The following SH3YL1 variants were observed in gnomAD, a reference collection of about 807,000 sequenced individuals.
SH3YL1 encodes SH3 domain-containing YSC84-like protein 1.
In SH3YL1, 41 loss-of-function variants were observed where a neutral mutation model predicts 45.8. The ratio of observed to expected loss-of-function variants is 0.89; its 90% confidence interval spans 0.70 to 1.16. The LOEUF is 1.16. SH3YL1 is among the 50% of genes most tolerant of loss of function. The pLI, the probability that SH3YL1 is intolerant of heterozygous loss-of-function variation, is 0.00. For synonymous variants in SH3YL1, 152 were observed against 151.4 expected (o/e 1.00, Z -0.03); for missense variants, 389 against 409.6 (o/e 0.95, Z 0.43).
chr2:263,873 G>T, intron 1 of SH3YL1, 111 bp downstream of exon 1: 1 of 910,658 alleles, frequency 1.1e-6, no homozygotes, highest in South Asian at 1.5e-5. Flanking sequence ...ACAGACGCGC[G>T]ACCTAGAAAC....
At chr2:236,619 T>C (rs572860974) in intron 4 of SH3YL1, among the ~76,000 whole-genome samples, 49 of 152,188 alleles carry the variant, frequency 3.2e-4, no homozygotes, top group Non-Finnish European at 6.0e-4. Flanking sequence ...GTAATAATAG[T>C]GGCACACATT....
chr2:224,379 G>A (rs192302270), intron 9 of SH3YL1, among the ~76,000 whole-genome samples: 1 of 152,306 alleles, frequency 6.6e-6, no homozygotes, highest in Non-Finnish European at 1.5e-5. Context: ...AATTTATGGT[G>A]CTAAAACACA....
intron 4 of SH3YL1, chr2:242,148 G>A (rs953239799): frequency 6.6e-6 from 1 of 151,862 alleles, no homozygotes; most frequent in Non-Finnish European, 1.5e-5. Flanking sequence ...AAGTTGTCTT[G>A]GAGTAAGGAA....
intron 4 of SH3YL1, among the ~76,000 whole-genome samples, chr2:237,820 T>C (rs1285083054): frequency 6.6e-6 from 1 of 150,648 alleles, no homozygotes; most frequent in African/African-American, 2.4e-5. Context: ...CCACTATAAA[T>C]CAAAAAAAAA....
intron 6 of SH3YL1, 41 bp downstream of exon 6, chr2:233,060 T>C: frequency 6.6e-7 from 1 of 1,504,340 alleles, no homozygotes; most frequent in Non-Finnish European, 8.9e-7. Flanking sequence ...TACTATTTTC[T>C]CATCACACTT....
At chr2:221,738 A>C (rs1667583958) in intron 9 of SH3YL1, among the ~76,000 whole-genome samples, 1 of 152,120 alleles carries the variant, frequency 6.6e-6, no homozygotes, top group Admixed American at 6.6e-5. Context: ...CCTGGGGAGG[A>C]GTACAAGAGA....
intron 4 of SH3YL1, among the ~76,000 whole-genome samples, chr2:244,159 G>A (rs1481909313): frequency 6.6e-6 from 1 of 151,854 alleles, no homozygotes; most frequent in East Asian, 1.9e-4. Flanking sequence ...CACCTTCCAT[G>A]GCTATGAAAA....
intron 4 of SH3YL1, among the ~76,000 whole-genome samples, chr2:244,271 C>T (rs1668683051): frequency 6.6e-6 from 1 of 151,378 alleles, no homozygotes; most frequent in Non-Finnish European, 1.5e-5. Flanking sequence ...CCGAGGCAGG[C>T]GGATCACGAG....
At chr2:260,628 T>A (rs1309100191) in intron 1 of SH3YL1, 1 of 152,272 alleles carries the variant, frequency 6.6e-6, no homozygotes, top group Non-Finnish European at 1.5e-5. Context: ...AGAGAGCACC[T>A]GGGCTCTGCA....
intron 4 of SH3YL1, among the ~76,000 whole-genome samples, chr2:235,144 T>C (rs1668231444): frequency 6.6e-6 from 1 of 152,200 alleles, no homozygotes; most frequent in Non-Finnish European, 1.5e-5. Context: ...CCCAAAGTGC[T>C]GGATTACAGG....
intron 4 of SH3YL1, among the ~76,000 whole-genome samples, chr2:239,070 A>G (rs941085808): frequency 6.6e-6 from 1 of 152,206 alleles, no homozygotes; most frequent in African/African-American, 2.4e-5. Flanking sequence ...GTGAAACCAC[A>G]GCACGATGCA....
intron 1 of SH3YL1, among the ~76,000 whole-genome samples, chr2:257,862 T>G (rs1334250270): frequency 6.6e-6 from 1 of 152,240 alleles, no homozygotes; most frequent in Non-Finnish European, 1.5e-5. Flanking sequence ...TGTTTCAGTC[T>G]TCTGTGTATG....
At chr2:254,215 G>A (rs17713879) in intron 1 of SH3YL1, among the ~76,000 whole-genome samples, 46,669 of 152,034 alleles carry the variant, frequency 0.31, 7,614 homozygotes, top group Non-Finnish European at 0.36. Context: ...CTTGGGAATT[G>A]AGCCTACAAG....
intron 9 of SH3YL1, 67 bp downstream of exon 9, chr2:224,793 AGATT>A: frequency 2.7e-6 from 3 of 1,104,002 alleles, no homozygotes; most frequent in South Asian, 2.5e-5. Flanking sequence ...ATAACCTGTC[AGATT>A]AATTAGGAAG....
chr2:236,900 T>C (rs1668328470), intron 4 of SH3YL1, among the ~76,000 whole-genome samples: 1 of 152,216 alleles, frequency 6.6e-6, no homozygotes, highest in Admixed American at 6.5e-5. Flanking sequence ...ACACTTCAGA[T>C]CTGTAGGTCA....
chr2:223,399 T>G (rs1206057003), intron 9 of SH3YL1, among the ~76,000 whole-genome samples: 1 of 152,180 alleles, frequency 6.6e-6, no homozygotes, highest in African/African-American at 2.4e-5. Context: ...GCTCTGTCTC[T>G]CTGTAGGGAT....
At chr2:259,380 T>A (rs1669492908) in intron 1 of SH3YL1, 1 of 152,208 alleles carries the variant, frequency 6.6e-6, no homozygotes, top group Non-Finnish European at 1.5e-5. Context: ...TAAAAATTAA[T>A]ATTTTTTTGG....
chr2:253,563 G>A (rs1331158476), intron 1 of SH3YL1, among the ~76,000 whole-genome samples: 6 of 152,152 alleles, frequency 3.9e-5, no homozygotes, highest in African/African-American at 1.4e-4. Flanking sequence ...AAAAAGGAGA[G>A]GACCTCTCAG....
intron 7 of SH3YL1, 58 bp downstream of exon 7, chr2:230,965 T>C: frequency 6.5e-7 from 1 of 1,544,940 alleles, no homozygotes; most frequent in Non-Finnish European, 8.9e-7. Context: ...AGGGACAGAA[T>C]GTTCTACAGA....
Sources: gnomAD v4.1 joint callset for allele counts (sites outside exome capture counted in the v4.1 genomes callset) on GRCh38, gnomAD v4.1.1 for gene constraint, MANE v1.5 for transcripts, NCBI Gene and HGNC (gene_info 2026-07-23, HGNC 2026-07-21) for gene names.